The following GBE1 variants were observed in gnomAD, a reference collection of about 807,000 sequenced individuals.
GBE1 encodes 1,4-alpha-glucan branching enzyme 1.
Under a neutral mutation model 88.8 loss-of-function variants are expected in GBE1, and 70 were observed. The observed-to-expected ratio is 0.79, with a 90% CI of 0.65 to 0.96. GBE1 has a LOEUF of 0.96. GBE1 is among the 40% of genes least tolerant of loss of function. The pLI, the probability that GBE1 is intolerant of heterozygous loss-of-function variation, is 0.00. For synonymous variants in GBE1, 284 were observed against 300.1 expected, an observed-to-expected ratio of 0.95 and a Z score of 0.56; for missense variants, 872 against 871.0, an observed-to-expected ratio of 1.00 and a Z score of -0.01.
chr3:81,600,717 T>A (rs1474742073), intron 7 of GBE1, among the ~76,000 whole-genome samples: 3 of 152,108 alleles, frequency 2.0e-5, no homozygotes, highest in Non-Finnish European at 4.4e-5. Context: ...CTATAATGTA[T>A]ATAAAGATGC....
chr3:81,648,883 T>C lies in GBE1; in HGVS notation c.664A>G (p.Asn222Asp). The change falls in exon 5 of 16, where the codon AAT becomes GAT. Residue 222 changes from asparagine to aspartate, a missense_variant. Asn to Asp is a conservative substitution (Grantham distance 23). Coordinates refer to ENST00000429644, the MANE Select transcript of GBE1 (RefSeq NM_000158.4). ...KVASYKHFTCNVLPRIKGLGY... is the reference protein window; with the variant it reads ...KVASYKHFTCDVLPRIKGLGY... Reference sequence around the variant, plus strand: ...AGGCCTTTGATTCTTGGTAGTACATTGCATGTAAAATGTTTATAAGAAGCT... The same window carrying C: ...AGGCCTTTGATTCTTGGTAGTACATCGCATGTAAAATGTTTATAAGAAGCT... 1.3e-6 allele frequency: 2 copies of C among 1,575,378 alleles called. No individual in the cohort carries two copies. The highest frequency in any genetic ancestry group is 1.7e-6 in the Non-Finnish European group (2 of 1,158,478).
At position 81,492,701 on chromosome 3, in the gene GBE1, T is replaced by G. The variant is rs201841581; in HGVS notation, c.2053-2238A>C. 1.3e-4 allele frequency among the ~76,000 whole-genome samples: 19 copies of G among 144,766 alleles called. No individual in the cohort carries two copies. The East Asian group carries it at 3.5e-3, about 27-fold the overall frequency. The allele number at this position is 144,766 out of a possible 152,430, so 95.0% of individuals were successfully genotyped here. A position where few individuals can be genotyped will look rare whatever the true frequency, so the allele number is the denominator to read the frequency against. Reference sequence around the variant, plus strand: ...CATTCTCCCTTTCTCCCTTTCTCCCTTTCTTCCTTTCCTTCCTTCCTTCCT... The same window carrying G: ...CATTCTCCCTTTCTCCCTTTCTCCCGTTCTTCCTTTCCTTCCTTCCTTCCT... On this transcript the variant is annotated intron_variant, in intron 15 of 15. Transcript: ENST00000429644.
At chr3:81,514,286 A>G (rs867969323) in intron 14 of GBE1, among the ~76,000 whole-genome samples, 74 of 151,688 alleles carry the variant, frequency 4.9e-4, no homozygotes, top group African/African-American at 1.7e-3. Flanking sequence ...CATTTTAATT[A>G]ATGTTCTTGA....
chr3:81,757,811 T>C (rs1419412998), intron 1 of GBE1, among the ~76,000 whole-genome samples: 2 of 152,090 alleles, frequency 1.3e-5, no homozygotes, highest in Non-Finnish European at 2.9e-5. Flanking sequence ...AGGAGAAAGA[T>C]CTAGAGTGGA....
intron 1 of GBE1, among the ~76,000 whole-genome samples, chr3:81,724,449 A>C (rs551522535): frequency 1.3e-5 from 2 of 152,306 alleles, no homozygotes; most frequent in Admixed American, 1.3e-4. Context: ...ATGATCTCTA[A>C]TCAAATTCAC....
intron 7 of GBE1, among the ~76,000 whole-genome samples, chr3:81,635,664 T>G (rs550902325): frequency 6.6e-6 from 1 of 152,320 alleles, no homozygotes; most frequent in African/African-American, 2.4e-5. Flanking sequence ...TTTAACCTGC[T>G]TATTTAAAAA....
chr3:81,581,573 G>A (rs1035988363), intron 10 of GBE1, among the ~76,000 whole-genome samples: 2 of 151,856 alleles, frequency 1.3e-5, no homozygotes, highest in African/African-American at 2.4e-5. Context: ...TGTAATAACT[G>A]CCACCTCTTG....
At chr3:81,756,703 T>C (rs1706607341) in intron 1 of GBE1, among the ~76,000 whole-genome samples, 1 of 152,110 alleles carries the variant, frequency 6.6e-6, no homozygotes, top group South Asian at 2.1e-4. Flanking sequence ...AATATATCTC[T>C]AAGCTGTGTC....
intron 12 of GBE1, among the ~76,000 whole-genome samples, chr3:81,557,338 G>A (rs957562238): frequency 4.6e-5 from 7 of 152,038 alleles, no homozygotes; most frequent in African/African-American, 9.7e-5. Context: ...AAAAGGTCAC[G>A]AAGAATAAGG....
rs975691079 is a variant in GBE1, at chr3:81,585,261, T to C, written c.1335+831A>G. Among the ~76,000 whole-genome samples the C allele has an allele frequency of 3.9e-5, 6 of 152,068 alleles. No individual in the cohort carries two copies. The South Asian group carries it at 1.0e-3, about 26-fold the overall frequency. On this transcript the variant is annotated intron_variant, in intron 10 of 15. Transcript: ENST00000429644. ...AGGAAAGACAGCTAAGAAATGATTA[T>C]AGTAACCACTTCCTTAAGAGTAGGC...
rs184133534 is a variant in GBE1 at position 81,680,816 on chromosome 3, T to C, written c.314-9863A>G. ...CCCAGAGAGCTCTCTTTCTGTCTCT[T>C]GGTCATGTGAGAATACACTGTGAGA... is the stretch of plus-strand genomic sequence containing the variant. On this transcript the variant is annotated intron_variant, in intron 2 of 15. Coordinates refer to ENST00000429644, the MANE Select transcript of GBE1 (RefSeq NM_000158.4). Among the ~76,000 whole-genome samples, 366 of 152,356 alleles carry C rather than the reference T, an allele frequency of 2.4e-3. 5 individuals are homozygous for C. The highest frequency in any genetic ancestry group is 8.4e-3 in the African/African-American group (351 of 41,584).
chr3:81,672,802 G>T (rs1705206362), intron 2 of GBE1, among the ~76,000 whole-genome samples: 1 of 151,790 alleles, frequency 6.6e-6, no homozygotes, highest in South Asian at 2.1e-4. Context: ...GCATATACTG[G>T]GTCGCTAAGA....
At chr3:81,625,599 A>G (rs1704402806) in intron 7 of GBE1, among the ~76,000 whole-genome samples, 1 of 152,010 alleles carries the variant, frequency 6.6e-6, no homozygotes, top group African/African-American at 2.4e-5. Context: ...CACTATGCCC[A>G]GGTAATTTCA....
chr3:81,752,303 A>T (rs1366910441), intron 1 of GBE1, among the ~76,000 whole-genome samples: 1 of 152,210 alleles, frequency 6.6e-6, no homozygotes, highest in Non-Finnish European at 1.5e-5. Flanking sequence ...TTCATTTTCA[A>T]ACTTTTATGC....
Position 81,670,953 on chromosome 3 carries a change from T to C in GBE1, c.314A>G (p.Asn105Ser), listed in dbSNP as rs1481429815. 6.7e-7 allele frequency: 1 copy of C among 1,490,138 alleles called. No individual in the cohort carries two copies. The highest frequency in any genetic ancestry group is 9.1e-7 in the Non-Finnish European group (1 of 1,100,040). The allele number at this position is 1,490,138 out of a possible 1,614,324, so 92.3% of individuals were successfully genotyped here. Residue 105 changes from asparagine to serine, a missense_variant and splice_region_variant, in exon 3 of 16, where the codon AAT (asparagine) becomes AGT (serine). By Grantham distance (46) the Asn-to-Ser change is conservative (BLOSUM62 1). Coordinates refer to ENST00000429644, the MANE Select transcript of GBE1 (RefSeq NM_000158.4). ...TGGGTACGAAAATGGATTCCAACCATCTAAAAAAATGAAGAAGATCAGTTA... is the reference window on the plus strand; with the variant it reads ...TGGGTACGAAAATGGATTCCAACCACCTAAAAAAATGAAGAAGATCAGTTA... Reference protein sequence around the residue: ...AEGVFLTGDFNGWNPFSYPYK... With the variant: ...AEGVFLTGDFSGWNPFSYPYK...
intron 7 of GBE1, among the ~76,000 whole-genome samples, chr3:81,607,802 A>T (rs1704124094): frequency 6.6e-6 from 1 of 152,052 alleles, no homozygotes; most frequent in Admixed American, 6.6e-5. Flanking sequence ...CTTTTTTCTT[A>T]ACTCTTTTCT....
In GBE1 at chr3:81,536,772, C is replaced by G. The variant is rs1358711114; in HGVS notation, c.1803+139G>C. ...GACTTCAGTGACATGTTTTGACAAC[C>G]TGAAGTATGGTACAGGACACTAGAC... On this transcript the variant is annotated intron_variant, in intron 13 of 15. Coordinates refer to ENST00000429644, the MANE Select transcript of GBE1 (RefSeq NM_000158.4). 1.1e-5 allele frequency: 6 copies of G among 533,220 alleles called. No homozygotes were observed. In the East Asian group the frequency reaches 1.7e-4, roughly 15 times the overall value. The allele number at this position is 533,220 out of a possible 1,614,324, so 33.0% of individuals were successfully genotyped here.
intron 12 of GBE1, among the ~76,000 whole-genome samples, chr3:81,574,612 T>C (rs913636356): frequency 6.6e-6 from 1 of 152,152 alleles, no homozygotes; most frequent in African/African-American, 2.4e-5. Flanking sequence ...TAATTTTCAT[T>C]ACAATTTTTC....
chr3:81,630,714 A>C (rs920260410), intron 7 of GBE1, among the ~76,000 whole-genome samples: 1 of 152,174 alleles, frequency 6.6e-6, no homozygotes, highest in East Asian at 1.9e-4. Flanking sequence ...TCCAAAACGT[A>C]ATACCTCTAA....
Sources: gnomAD v4.1 joint callset for allele counts (sites outside exome capture counted in the v4.1 genomes callset) on GRCh38, gnomAD v4.1.1 for gene constraint, MANE v1.5 for transcripts, NCBI Gene and HGNC (gene_info 2026-07-23, HGNC 2026-07-21) for gene names.